BPNT1: variants seen among roughly 807,000 people sequenced by gnomAD.
BPNT1 encodes 3'(2'),5'-bisphosphate nucleotidase 1.
In BPNT1, 28 loss-of-function variants were observed where a neutral mutation model predicts 36.9. That is an observed-to-expected ratio of 0.76 (90% confidence interval 0.56 to 1.04). BPNT1 has a LOEUF of 1.04. BPNT1 is among the 50% of genes least tolerant of loss of function. BPNT1 has a pLI of 0.00. For synonymous variants in BPNT1, 119 were observed against 130.9 expected (o/e 0.91, Z 0.62); for missense variants, 313 against 372.9 (o/e 0.84, Z 1.32).
chr1:220,078,885 G>A (rs932318731), intron 2 of BPNT1, among the ~76,000 whole-genome samples: 5 of 152,010 alleles, frequency 3.3e-5, no homozygotes, highest in Admixed American at 6.6e-5. Flanking sequence ...GTGAGCCACC[G>A]CACCCGGTCA....
intron 1 of BPNT1, among the ~76,000 whole-genome samples, chr1:220,084,074 T>G (rs77122751): frequency 1.2e-3 from 184 of 152,242 alleles, no homozygotes; most frequent in African/African-American, 4.2e-3. Flanking sequence ...GGCTCACGCA[T>G]GTAATCCCAG....
intron 8 of BPNT1, among the ~76,000 whole-genome samples, chr1:220,059,324 T>C (rs1662805240): frequency 7.8e-6 from 1 of 128,304 alleles, no homozygotes; most frequent in Non-Finnish European, 1.6e-5. Context: ...TACTACAACC[T>C]CGGTTCACTA....
At position 220,058,767 on chromosome 1, in the gene BPNT1, G is replaced by A; in HGVS notation, c.*77C>T. On this transcript the variant is annotated 3_prime_UTR_variant, in exon 9 of 9. Coordinates refer to ENST00000322067, the MANE Select transcript of BPNT1 (RefSeq NM_006085.6). ...TGGTCTCAAACTCCTGAGCTCAAGT[G>A]ATCCACCTGCCTCGGCCTCCCAAAG... is the stretch of plus-strand genomic sequence containing the variant. The A allele has an allele frequency of 7.1e-7, 1 of 1,404,858 alleles. No homozygotes were observed. The highest frequency in any genetic ancestry group is 9.9e-7 in the Non-Finnish European group (1 of 1,006,312). 87.0% of individuals were successfully genotyped at this position (1,404,858 alleles called of 1,614,324 possible).
intron 1 of BPNT1, among the ~76,000 whole-genome samples, chr1:220,089,119 A>C (rs920100014): frequency 1.5e-4 from 23 of 148,550 alleles, no homozygotes; most frequent in African/African-American, 5.4e-4. Context: ...AAAAAAAAAA[A>C]AAAAAAGAAG....
At chr1:220,077,244 A>G (rs930694695) in intron 2 of BPNT1, among the ~76,000 whole-genome samples, 3 of 152,174 alleles carry the variant, frequency 2.0e-5, no homozygotes, top group African/African-American at 7.2e-5. Flanking sequence ...ATAACTAAAA[A>G]TAACTTGAAT....
At chr1:220,061,940 G>A (rs1571727553) in intron 7 of BPNT1, among the ~76,000 whole-genome samples, 1 of 151,924 alleles carries the variant, frequency 6.6e-6, no homozygotes, top group Admixed American at 6.6e-5. Flanking sequence ...CTGTAGAAGG[G>A]CTAGGAAATA....
chr1:220,087,187 T>C (rs1439482522), intron 1 of BPNT1, among the ~76,000 whole-genome samples: 2 of 152,122 alleles, frequency 1.3e-5, no homozygotes, highest in African/African-American at 4.8e-5. Flanking sequence ...ATAAAAATTA[T>C]AAACTTCATA....
At chr1:220,062,513 T>C (rs1250991315) in intron 7 of BPNT1, among the ~76,000 whole-genome samples, 1 of 152,202 alleles carries the variant, frequency 6.6e-6, no homozygotes, top group East Asian at 1.9e-4. Flanking sequence ...ATGGTGTATA[T>C]GTGCCACATT....
In BPNT1 at chr1:220,069,389, G is replaced by A; in HGVS notation, c.377C>T (p.Thr126Ile). 6 of 1,601,024 alleles carry A rather than the reference G, an allele frequency of 3.7e-6. No homozygotes were observed. Among genetic ancestry groups the A allele is most frequent in the Non-Finnish European group, 5.1e-6 (6 of 1,173,978 alleles). The change falls in exon 5 of 9, where the codon ACC becomes ATC. Residue 126 changes from threonine to isoleucine, a missense_variant. By Grantham distance (89) the Thr-to-Ile change is moderately conservative (BLOSUM62 -1). Coordinates refer to ENST00000322067, the MANE Select transcript of BPNT1 (RefSeq NM_006085.6). ...AATACAAAAGAGATATCAACCTTCG[G>A]TATATTCCTTGGTTCCATCCAGAGG... is the stretch of plus-strand genomic sequence containing the variant. ...VDPLDGTKEY[T>I]EGLLDNVTVL...
chr1:220,059,089 G>T (rs1393280075), intron 8 of BPNT1, 97 bp from the exon 9 acceptor site: 66 of 1,209,750 alleles, frequency 5.5e-5, no homozygotes, highest in Non-Finnish European at 8.2e-6. Flanking sequence ...TTATCCAATA[G>T]TAGCCAATAA....
intron 2 of BPNT1, 71 bp from the exon 3 acceptor site, chr1:220,074,142 G>A: frequency 2.2e-6 from 3 of 1,344,090 alleles, no homozygotes; most frequent in South Asian, 1.2e-5. Flanking sequence ...TTGTGCATGA[G>A]TGCCTACATA....
intron 3 of BPNT1, 127 bp downstream of exon 3, chr1:220,073,840 C>A: frequency 1.1e-6 from 1 of 887,622 alleles, no homozygotes. Flanking sequence ...ACAATAATTA[C>A]TTTTGTGTTT....
In BPNT1 at chr1:220,079,867, C is replaced by A; in HGVS notation, c.-8-13G>T. The A allele has an allele frequency of 1.2e-6, 2 of 1,601,990 alleles. No individual in the cohort carries two copies. The highest frequency in any genetic ancestry group is 1.7e-5 in the Admixed American group (1 of 57,322). ...GCCATGGTACACTCTAAAAAGAGAT[C>A]AAGAAAAATGTCTTGTTAGTTTCAA... On this transcript the variant is annotated splice_polypyrimidine_tract_variant and intron_variant, in intron 1 of 8. Transcript: ENST00000322067.
At chr1:220,075,531 G>A (rs1664467273) in intron 2 of BPNT1, among the ~76,000 whole-genome samples, 1 of 152,078 alleles carries the variant, frequency 6.6e-6, no homozygotes, top group South Asian at 2.1e-4. Flanking sequence ...TGCTCTATAA[G>A]TATCTTTTGA....
chr1:220,067,522 C>G, intron 5 of BPNT1, 129 bp from the exon 6 acceptor site: 1 of 521,102 alleles, frequency 1.9e-6, no homozygotes, highest in Non-Finnish European at 3.4e-6. Context: ...CGTGATCAAT[C>G]CTATTTATAG....
chr1:220,057,501 T>G lies in BPNT1; in HGVS notation c.*1343A>C, dbSNP rs1052891338. The G allele has an allele frequency of 6.1e-5, 10 of 162,916 alleles. No homozygotes were observed. The highest frequency in any genetic ancestry group is 2.4e-4 in the African/African-American group (10 of 41,526). 10.1% of individuals were successfully genotyped at this position (162,916 alleles called of 1,614,324 possible). ...CACTTGTTGATTTGAAAACAGATAA[T>G]TTTAATTAAAAGCAATGGACAGAGA... is the stretch of plus-strand genomic sequence containing the variant. On this transcript the variant is annotated 3_prime_UTR_variant, in exon 9 of 9. Transcript: ENST00000322067.
Position 220,058,325 on chromosome 1 carries a change from CGTCAA to C in BPNT1, c.*514_*518del. The stretch of plus-strand genomic sequence containing the variant: ...ATATTGAGTTTATAAGTTCTCCAGA[CGTCAA>C]AATTGGTCTGGTTGATTAATCAAGT... On this transcript the variant is annotated 3_prime_UTR_variant, in exon 9 of 9. Coordinates refer to ENST00000322067, the MANE Select transcript of BPNT1 (RefSeq NM_006085.6). The C allele has an allele frequency of 2.0e-6, 2 of 987,590 alleles. No homozygotes were observed. Among genetic ancestry groups the C allele is most frequent in the Non-Finnish European group, 2.4e-6 (2 of 830,870 alleles). The allele number at this position is 987,590 out of a possible 1,614,324, so 61.2% of individuals were successfully genotyped here. A position where few individuals can be genotyped will look rare whatever the true frequency, so the allele number is the denominator to read the frequency against.
chr1:220,064,584 C>A (rs900595948), intron 6 of BPNT1, among the ~76,000 whole-genome samples: 1 of 152,082 alleles, frequency 6.6e-6, no homozygotes. Context: ...TAAACTCCTG[C>A]AATAATCAGT....
chr1:220,075,554 A>G (rs1664469234), intron 2 of BPNT1, among the ~76,000 whole-genome samples: 1 of 152,194 alleles, frequency 6.6e-6, no homozygotes, highest in Non-Finnish European at 1.5e-5. Flanking sequence ...GAACCTACTC[A>G]AAAGAATTGT....
Sources: gnomAD v4.1 joint callset for allele counts (sites outside exome capture counted in the v4.1 genomes callset) on GRCh38, gnomAD v4.1.1 for gene constraint, MANE v1.5 for transcripts, NCBI Gene and HGNC (gene_info 2026-07-23, HGNC 2026-07-21) for gene names.